The following CUBN variants were observed in gnomAD, a reference collection of about 807,000 sequenced individuals.
CUBN encodes cubilin.
In CUBN, 282 loss-of-function variants were observed where a neutral mutation model predicts 405.3. That is an observed-to-expected ratio of 0.70 (90% CI 0.63 to 0.77). CUBN has a LOEUF of 0.77. Ranked by LOEUF, CUBN falls within the 30% of genes least tolerant of loss-of-function variation. The pLI, the probability that CUBN is intolerant of heterozygous loss-of-function variation, is 0.00. For missense variants in CUBN, 4,514 were observed against 4,475.2 expected (o/e 1.01, Z -0.25); for synonymous variants, 1,684 against 1,617.0 (o/e 1.04, Z -0.99).
chr10:17,084,271 C>G lies in CUBN; in HGVS notation c.2301G>C (p.Glu767Asp). 1 of 1,613,822 alleles carries G rather than the reference C, an allele frequency of 6.2e-7. No individual in the cohort carries two copies. Among genetic ancestry groups the G allele is most frequent in the Non-Finnish European group, 8.5e-7 (1 of 1,179,962 alleles). Reference protein sequence around the residue: ...CQSDSSQNYIEVRDGETLLGK... With the variant: ...CQSDSSQNYIDVRDGETLLGK... Reference sequence around the variant, plus strand: ...AGGGCGATTGAGTAGTGAAAGTTACCTCAATGTAATTCTGAGAACTGTCAC... The same window carrying G: ...AGGGCGATTGAGTAGTGAAAGTTACGTCAATGTAATTCTGAGAACTGTCAC... The change falls in exon 17 of 67, where the codon GAG (glutamate) becomes GAC (aspartate). Residue 767 changes from glutamate (E) to aspartate (D), a missense_variant and splice_region_variant. Transcript: ENST00000377833.
intron 28 of CUBN, among the ~76,000 whole-genome samples, chr10:17,016,314 C>T (rs994646393): frequency 6.6e-6 from 1 of 152,150 alleles, no homozygotes; most frequent in Non-Finnish European, 1.5e-5. Context: ...TAATCTGAGT[C>T]GAGGTCCCAG....
chr10:17,083,894 A>T (rs2131863045), intron 17 of CUBN, among the ~76,000 whole-genome samples: 1 of 152,234 alleles, frequency 6.6e-6, no homozygotes, highest in East Asian at 1.9e-4. Flanking sequence ...ACTTAAATCA[A>T]AATTAAAGAT....
intron 22 of CUBN, 96 bp from the exon 23 acceptor site, chr10:17,047,699 C>T: frequency 8.4e-7 from 1 of 1,191,304 alleles, no homozygotes; most frequent in Non-Finnish European, 1.2e-6. Context: ...TGTGCCTATA[C>T]TTGATTTTCA....
chr10:17,013,760 A>C (rs1338174357), intron 28 of CUBN, among the ~76,000 whole-genome samples: 1 of 152,194 alleles, frequency 6.6e-6, no homozygotes, highest in Non-Finnish European at 1.5e-5. Context: ...AGTTCTGCTA[A>C]CTAGTTGCTG....
At chr10:17,069,404 G>C (rs1835685939) in intron 19 of CUBN, among the ~76,000 whole-genome samples, 1 of 152,132 alleles carries the variant, frequency 6.6e-6, no homozygotes, top group Admixed American at 6.6e-5. Context: ...TTGAGGAACT[G>C]CCAACTGTTT....
chr10:16,975,795 T>C (rs1465612354), intron 31 of CUBN, among the ~76,000 whole-genome samples: 1 of 151,370 alleles, frequency 6.6e-6, no homozygotes, highest in African/African-American at 2.4e-5. Flanking sequence ...CACACCCAGC[T>C]AGTTTTTGTA....
intron 40 of CUBN, among the ~76,000 whole-genome samples, chr10:16,928,532 C>CCCCCCCTT: frequency 9.3e-6 from 1 of 107,122 alleles, no homozygotes; most frequent in East Asian, 2.8e-4. Flanking sequence ...CCACCCCCCC[C>CCCCCCCTT]TTTTTTTTTT....
At position 17,100,105 on chromosome 10, in the gene CUBN, A is replaced by G. The variant is rs772536520; in HGVS notation, c.1665T>C (p.His555=). The G allele has an allele frequency of 1.9e-6, 3 of 1,613,666 alleles. No individual in the cohort carries two copies. The highest frequency in any genetic ancestry group is 1.7e-5 in the Admixed American group (1 of 59,986). The change falls in exon 14 of 67, where the codon CAT becomes CAC. Residue 555 remains histidine (H), a synonymous_variant. Coordinates refer to ENST00000377833, the MANE Select transcript of CUBN (RefSeq NM_001081.4). ...LGRFCGSSLP[H]ELLSSDNALY... ...GAGCATTGTCACTGCTGAGGAGTTC[A>G]TGAGGGAGGCTGGAGCCACAAAATC...
At chr10:17,072,156 C>T (rs1356493720) in intron 17 of CUBN, among the ~76,000 whole-genome samples, 185 bp from the exon 18 acceptor site, 1 of 152,028 alleles carries the variant, frequency 6.6e-6, no homozygotes, top group Non-Finnish European at 1.5e-5. Flanking sequence ...ACATGAAATG[C>T]TGATAAAATC....
In CUBN at chr10:16,829,022, TA is replaced by T; in HGVS notation, c.10546del (p.Tyr3516MetfsTer77). ...GCTGGTGAATGAGCCTCTGTCTCCA[TA>T]AAGAGTTCCACCACATCCTGCAAGG... is the stretch of plus-strand genomic sequence containing the variant. The part of the protein sequence containing the change: ...SSPSGCGGTL[Y>X]GDRGSFTSPG... On this transcript the variant is annotated frameshift_variant, in exon 66 of 67. Transcript: ENST00000377833. LOFTEE classifies it high-confidence loss of function. The T allele has an allele frequency of 1.2e-6, 2 of 1,614,014 alleles. No homozygotes were observed. Among genetic ancestry groups the T allele is most frequent in the Non-Finnish European group, 1.7e-6 (2 of 1,179,942 alleles).
intron 57 of CUBN, among the ~76,000 whole-genome samples, chr10:16,875,495 T>C (rs1840471650): frequency 6.6e-6 from 1 of 152,192 alleles, no homozygotes; most frequent in Non-Finnish European, 1.5e-5. Flanking sequence ...CATGTCAGGC[T>C]CTTTATTTCT....
intron 51 of CUBN, 52 bp downstream of exon 51, chr10:16,903,914 A>C (rs1841480471): frequency 1.5e-6 from 2 of 1,305,482 alleles, no homozygotes; most frequent in Non-Finnish European, 1.1e-6. Flanking sequence ...TATGGAAAAA[A>C]ATCATTAATC....
intron 31 of CUBN, among the ~76,000 whole-genome samples, chr10:16,981,912 T>C (rs1833287683): frequency 1.3e-5 from 2 of 152,186 alleles, no homozygotes; most frequent in African/African-American, 4.8e-5. Context: ...GAACATGGAT[T>C]TGTTCAAGTA....
chr10:16,924,152 T>C (rs1411524870), intron 43 of CUBN, among the ~76,000 whole-genome samples: 2 of 152,138 alleles, frequency 1.3e-5, no homozygotes, highest in Non-Finnish European at 2.9e-5. Flanking sequence ...GGCTGACGTC[T>C]ACTCACTAGA....
intron 31 of CUBN, among the ~76,000 whole-genome samples, chr10:16,967,679 T>A (rs1160321048): frequency 1.4e-5 from 2 of 145,784 alleles, no homozygotes; most frequent in African/African-American, 2.6e-5. Flanking sequence ...AAAGAGAGAG[T>A]GAGAGAGAGA....
intron 5 of CUBN, 93 bp from the exon 6 acceptor site, chr10:17,122,991 G>T (rs1044328034): frequency 2.3e-6 from 2 of 851,210 alleles, no homozygotes; most frequent in Non-Finnish European, 4.1e-6. Flanking sequence ...TTTATACGTG[G>T]ACAGTATATA....
intron 28 of CUBN, among the ~76,000 whole-genome samples, chr10:16,997,009 G>A (rs1213116815): frequency 6.6e-6 from 1 of 152,184 alleles, no homozygotes; most frequent in African/African-American, 2.4e-5. Flanking sequence ...GGATGTTCAC[G>A]TGCTTCATTA....
At chr10:16,953,887 A>C (rs1842981556) in intron 32 of CUBN, among the ~76,000 whole-genome samples, 1 of 134,666 alleles carries the variant, frequency 7.4e-6, no homozygotes, top group Non-Finnish European at 1.6e-5. Context: ...GATGAGGAAA[A>C]GGAAGGGGAG....
In CUBN at chr10:16,914,036, A is replaced by G. The variant is rs555708172; in HGVS notation, c.7352-44T>C. ...CAAGAAAACTTTCAATCAAATCAAA[A>G]TGTTTCCTTCCATCAAGAAAGCTCT... On this transcript the variant is annotated intron_variant, in intron 47 of 66. Transcript: ENST00000377833. 10 of 1,602,324 alleles carry G rather than the reference A, an allele frequency of 6.2e-6. No individual in the cohort carries two copies. In the East Asian group the frequency reaches 2.0e-4, roughly 32 times the overall value.
Sources: allele counts gnomAD v4.1 joint callset (sites outside exome capture counted in the v4.1 genomes callset), GRCh38; gene constraint gnomAD v4.1.1; transcripts MANE v1.5; gene names NCBI Gene and HGNC (gene_info 2026-07-23, HGNC 2026-07-21).